Variants in CCSER1 observed in about 807,000 individuals in gnomAD.
CCSER1 encodes the protein serine-rich coiled-coil domain-containing protein 1.
CCSER1 carries 41 observed loss-of-function variants against 82.0 expected under a neutral mutation model. The ratio of observed to expected loss-of-function variants is 0.50; its 90% CI spans 0.39 to 0.65. CCSER1 has a LOEUF of 0.65. Ranked by LOEUF, CCSER1 falls within the 30% of genes least tolerant of loss-of-function variation. CCSER1 has a pLI of 0.00. For missense variants in CCSER1, 1,119 were observed against 1,064.2 expected (o/e 1.05, Z -0.72); for synonymous variants, 414 against 383.9 (o/e 1.08, Z -0.92).
intron 6 of CCSER1, 111 bp from the exon 7 acceptor site, chr4:90,723,803 A>G: frequency 2.2e-6 from 1 of 452,848 alleles, no homozygotes. Flanking sequence ...TTACATTCAT[A>G]TTTTACTTAT....
chr4:90,653,041 T>C (rs1729060734), intron 6 of CCSER1, among the ~76,000 whole-genome samples: 1 of 149,080 alleles, frequency 6.7e-6, no homozygotes, highest in Non-Finnish European at 1.5e-5. Context: ...CTCCCACAAA[T>C]GCATTTCAAG....
intron 7 of CCSER1, among the ~76,000 whole-genome samples, chr4:90,749,141 G>C (rs1748094926): frequency 6.6e-6 from 1 of 151,514 alleles, no homozygotes; most frequent in Non-Finnish European, 1.5e-5. Flanking sequence ...GTAATGCCTA[G>C]GTTTTCTTCT....
intron 9 of CCSER1, among the ~76,000 whole-genome samples, chr4:90,982,633 C>CAA (rs70965464): frequency 0.011 from 1,619 of 150,644 alleles, 37 homozygotes; most frequent in African/African-American, 0.037. Flanking sequence ...AGCATCTAAA[C>CAA]AAAAAAAAAT....
At chr4:90,583,178 GTTTT>G (rs1781607564) in intron 5 of CCSER1, among the ~76,000 whole-genome samples, 1 of 151,812 alleles carries the variant, frequency 6.6e-6, no homozygotes, top group African/African-American at 2.4e-5. Context: ...TATGTTTTTT[GTTTT>G]TTAAGACGGA....
In CCSER1 at chr4:90,838,438, C is replaced by A. The variant is rs1262918731; in HGVS notation, c.2094+22593C>A. Among the ~76,000 whole-genome samples, 4 of 151,264 alleles carry A rather than the reference C, an allele frequency of 2.6e-5. 1 individual carries two copies. Among genetic ancestry groups the A allele is most frequent in the Non-Finnish European group, 5.9e-5 (4 of 67,852 alleles). On this transcript the variant is annotated intron_variant, in intron 8 of 10. Transcript: ENST00000509176. ...ATTCAATTTATATGATCTGCTTGAT[C>A]ATTTTTAATAATTTAATATGTATTT...
chr4:90,363,979 A>G (rs1745837808), intron 3 of CCSER1, among the ~76,000 whole-genome samples: 1 of 152,122 alleles, frequency 6.6e-6, no homozygotes, highest in East Asian at 1.9e-4. Context: ...GCTTTTGAAA[A>G]TGAGCATTTT....
At chr4:91,565,061 TG>T (rs1762825062) in intron 10 of CCSER1, among the ~76,000 whole-genome samples, 1 of 138,554 alleles carries the variant, frequency 7.2e-6, no homozygotes, top group South Asian at 2.5e-4. Flanking sequence ...TGTGTGTGTG[TG>T]TGTGTGTGTG....
At chr4:90,759,350 G>C (rs1479398579) in intron 7 of CCSER1, among the ~76,000 whole-genome samples, 2 of 152,110 alleles carry the variant, frequency 1.3e-5, no homozygotes, top group Non-Finnish European at 2.9e-5. Flanking sequence ...AGAAAATTGA[G>C]TTCTTTAAAG....
intron 3 of CCSER1, among the ~76,000 whole-genome samples, chr4:90,393,374 T>C (rs1217013042): frequency 6.6e-6 from 1 of 152,170 alleles, no homozygotes; most frequent in African/African-American, 2.4e-5. Context: ...TAGAATCCTA[T>C]GGTTGGAATA....
chr4:90,861,942 A>C (rs944139612), intron 8 of CCSER1, among the ~76,000 whole-genome samples: 1 of 130,356 alleles, frequency 7.7e-6, no homozygotes, highest in Non-Finnish European at 1.7e-5. Context: ...TTTTTCTGTT[A>C]GACTAGTGTT....
intron 10 of CCSER1, among the ~76,000 whole-genome samples, chr4:91,167,758 A>C (rs138861851): frequency 8.0e-4 from 122 of 152,356 alleles, no homozygotes; most frequent in African/African-American, 2.6e-3. Context: ...AGTGGAGCCT[A>C]GGTTAAAATT....
chr4:91,041,996 C>A (rs755200637), intron 9 of CCSER1, among the ~76,000 whole-genome samples: 8 of 152,108 alleles, frequency 5.3e-5, no homozygotes, highest in Non-Finnish European at 1.2e-4. Context: ...TTGATGTGTT[C>A]ATTAAGCTTT....
intron 10 of CCSER1, among the ~76,000 whole-genome samples, chr4:91,493,824 T>A (rs541905715): frequency 6.3e-4 from 96 of 151,732 alleles, no homozygotes; most frequent in African/African-American, 1.9e-3. Flanking sequence ...CTAATTTTTT[T>A]TAAAAAAAGT....
chr4:90,491,305 T>G (rs1458580800), intron 5 of CCSER1, among the ~76,000 whole-genome samples: 1 of 152,200 alleles, frequency 6.6e-6, no homozygotes, highest in Non-Finnish European at 1.5e-5. Context: ...TCACTCATGA[T>G]TTGGCTCTCT....
At chr4:91,313,197 C>T (rs1441001519) in intron 10 of CCSER1, among the ~76,000 whole-genome samples, 2 of 151,788 alleles carry the variant, frequency 1.3e-5, no homozygotes, top group African/African-American at 4.8e-5. Flanking sequence ...ATTTTCTATG[C>T]TAACTTATAA....
intron 3 of CCSER1, among the ~76,000 whole-genome samples, chr4:90,373,617 A>G (rs1442592421): frequency 6.6e-6 from 1 of 152,188 alleles, no homozygotes; most frequent in Non-Finnish European, 1.5e-5. Flanking sequence ...AGTTAGGTCT[A>G]TATTTAAAAA....
chr4:91,269,781 G>A (rs1741883235), intron 10 of CCSER1, among the ~76,000 whole-genome samples: 1 of 151,674 alleles, frequency 6.6e-6, no homozygotes, highest in Admixed American at 6.6e-5. Context: ...ACTTCCAGAG[G>A]GTGTAAGATA....
At chr4:90,819,922 A>C (rs17017686) in intron 8 of CCSER1, among the ~76,000 whole-genome samples, 50,789 of 152,062 alleles carry the variant, frequency 0.33, 8,624 homozygotes, top group East Asian at 0.42. Context: ...TGTGCTAGGG[A>C]AACTAATTGG....
At chr4:91,024,647 G>T (rs1411083023) in intron 9 of CCSER1, among the ~76,000 whole-genome samples, 1 of 151,862 alleles carries the variant, frequency 6.6e-6, no homozygotes, top group Admixed American at 6.6e-5. Flanking sequence ...ACAGTAAAAA[G>T]AAAATAAAGT....
Sources: gnomAD v4.1 joint callset for allele counts (sites outside exome capture counted in the v4.1 genomes callset) on GRCh38, gnomAD v4.1.1 for gene constraint, MANE v1.5 for transcripts, NCBI Gene and HGNC (gene_info 2026-07-23, HGNC 2026-07-21) for gene names.